IRAK1BP1: variants seen among roughly 807,000 people sequenced by gnomAD.
IRAK1BP1 encodes the protein interleukin-1 receptor-associated kinase 1-binding protein 1.
In IRAK1BP1, 24 loss-of-function variants were observed where a neutral mutation model predicts 28.0. The observed-to-expected ratio is 0.86, with a 90% CI of 0.62 to 1.20. IRAK1BP1 has a LOEUF of 1.20. IRAK1BP1 is among the 50% of genes most tolerant of loss of function. The pLI, the probability that IRAK1BP1 is intolerant of heterozygous loss-of-function variation, is 0.00. For synonymous variants in IRAK1BP1, 131 were observed against 116.3 expected (o/e 1.13, Z -0.81); for missense variants, 336 against 316.7 (o/e 1.06, Z -0.46).
chr6:78,941,098 A>C (rs747724327), intron 4 of IRAK1BP1: 4 of 1,613,764 alleles, frequency 2.5e-6, no homozygotes, highest in Non-Finnish European at 3.4e-6. Flanking sequence ...TTGAAGAAGG[A>C]AGTACTTCAT....
At chr6:78,884,025 G>T (rs1056045092) in intron 1 of IRAK1BP1, among the ~76,000 whole-genome samples, 2 of 152,120 alleles carry the variant, frequency 1.3e-5, no homozygotes, top group Non-Finnish European at 2.9e-5. Flanking sequence ...TACTGTTTAA[G>T]GGAGAACTAC....
chr6:78,886,075 A>G (rs1771424778), intron 2 of IRAK1BP1, among the ~76,000 whole-genome samples: 1 of 152,082 alleles, frequency 6.6e-6, no homozygotes. Context: ...AGTACGTGCC[A>G]CCTCCTTGTA....
intron 4 of IRAK1BP1, among the ~76,000 whole-genome samples, chr6:78,916,564 A>T (rs1287140382): frequency 6.6e-6 from 1 of 152,240 alleles, no homozygotes; most frequent in Non-Finnish European, 1.5e-5. Context: ...GAGCTACTCC[A>T]TGTAAAGAAT....
intron 2 of IRAK1BP1, among the ~76,000 whole-genome samples, chr6:78,894,789 C>T (rs1489491531): frequency 6.6e-6 from 1 of 152,026 alleles, no homozygotes; most frequent in Admixed American, 6.6e-5. Context: ...TGAACATTTG[C>T]CAAGGTAGAC....
chr6:78,966,229 G>A, the IRAK1BP1 span, among the ~76,000 whole-genome samples: 1 of 152,048 alleles, frequency 6.6e-6, no homozygotes, highest in Non-Finnish European at 1.5e-5. Flanking sequence ...AGAGAAAAAA[G>A]GAATTTAGTA....
chr6:78,906,878 C>G (rs947086235), downstream of IRAK1BP1, among the ~76,000 whole-genome samples: 1 of 152,018 alleles, frequency 6.6e-6, no homozygotes, highest in Non-Finnish European at 1.5e-5. Flanking sequence ...ATTTTCTGCC[C>G]TGAAATCCCA....
At chr6:78,940,674 TA>T in intron 4 of IRAK1BP1, 2 of 1,565,274 alleles carry the variant, frequency 1.3e-6, no homozygotes, top group Non-Finnish European at 1.7e-6. Context: ...GATTTTGAAG[TA>T]AAATATTTTG....
intron 2 of IRAK1BP1, among the ~76,000 whole-genome samples, chr6:78,891,277 T>C (rs750664620): frequency 2.6e-5 from 4 of 152,126 alleles, no homozygotes; most frequent in Non-Finnish European, 5.9e-5. Flanking sequence ...TAAACAATCA[T>C]AATAGTACAA....
At chr6:78,921,171 C>T (rs1772714025) in intron 4 of IRAK1BP1, among the ~76,000 whole-genome samples, 1 of 152,158 alleles carries the variant, frequency 6.6e-6, no homozygotes, top group African/African-American at 2.4e-5. Flanking sequence ...ATTCCCTTTC[C>T]TAGCCAAGGA....
At chr6:78,961,566 T>TC in the IRAK1BP1 span, 1 of 851,410 alleles carries the variant, frequency 1.2e-6, no homozygotes, top group South Asian at 1.6e-5. Context: ...CATTTTAACA[T>TC]AATCCCCATA....
downstream of IRAK1BP1, among the ~76,000 whole-genome samples, chr6:78,907,646 A>G (rs189821906): frequency 1.2e-3 from 188 of 152,310 alleles, no homozygotes; most frequent in African/African-American, 4.3e-3. Context: ...ACACACACAC[A>G]ATGAAAAATT....
intron 1 of IRAK1BP1, among the ~76,000 whole-genome samples, chr6:78,876,978 A>G (rs577697810): frequency 1.5e-4 from 23 of 152,334 alleles, no homozygotes; most frequent in East Asian, 5.8e-4. Context: ...TTTATTTAGC[A>G]TGATGCAACA....
the IRAK1BP1 span, among the ~76,000 whole-genome samples, chr6:78,968,086 G>A: frequency 2.6e-5 from 4 of 152,166 alleles, no homozygotes; most frequent in Non-Finnish European, 5.9e-5. Context: ...AGTGAGCCAA[G>A]ATCACGGCAC....
chr6:78,971,431 G>A, the IRAK1BP1 span, among the ~76,000 whole-genome samples: 5 of 152,178 alleles, frequency 3.3e-5, no homozygotes, highest in Non-Finnish European at 2.9e-5. Flanking sequence ...GTAGAAGAAC[G>A]TGTTTTAAAA....
chr6:78,873,821 T>G (rs1770886985), intron 1 of IRAK1BP1, among the ~76,000 whole-genome samples: 1 of 152,256 alleles, frequency 6.6e-6, no homozygotes, highest in Non-Finnish European at 1.5e-5. Context: ...ACCTTTGTAG[T>G]ATATTAGATA....
At chr6:78,935,498 T>C in intron 4 of IRAK1BP1, 2 of 978,740 alleles carry the variant, frequency 2.0e-6, no homozygotes, top group Non-Finnish European at 2.4e-6. Context: ...ATGCAAAGTG[T>C]TCCACTGAAA....
rs2127656601 is a variant in IRAK1BP1 at position 78,901,075 on chromosome 6, A to G, written c.*2741A>G. 6.6e-6 allele frequency: 1 copy of G among 151,988 alleles called. No homozygotes were observed. Among genetic ancestry groups the G allele is most frequent in the African/African-American group, 2.4e-5 (1 of 41,510 alleles). The allele number at this position is 151,988 out of a possible 1,614,324, so 9.4% of individuals were successfully genotyped here. A position where few individuals can be genotyped will look rare whatever the true frequency, so the allele number is the denominator to read the frequency against. On this transcript the variant is annotated 3_prime_UTR_variant, in exon 4 of 4. Coordinates refer to ENST00000369940, the MANE Select transcript of IRAK1BP1 (RefSeq NM_001010844.4). ...AAAAAATTGTTCGTTCTCAACAAAAATTTAATCACATGGGTAGTTTTTTTT... is the reference window on the plus strand; with the variant it reads ...AAAAAATTGTTCGTTCTCAACAAAAGTTTAATCACATGGGTAGTTTTTTTT...
the IRAK1BP1 span, chr6:78,955,305 A>G: frequency 1.3e-6 from 2 of 1,566,906 alleles, no homozygotes; most frequent in African/African-American, 1.4e-5. Flanking sequence ...AATTTACCAG[A>G]TTCATAAAAC....
chr6:78,898,147 A>G lies in IRAK1BP1; in HGVS notation c.596A>G (p.Lys199Arg), dbSNP rs774652132. The change falls in exon 4 of 4, where the codon AAA (lysine) becomes AGA (arginine). Residue 199 changes from lysine to arginine, a missense_variant. Lys to Arg is a conservative substitution (Grantham distance 26). Transcript: ENST00000369940. ...VCNLVGQTLGKPLLIKEEETK... is the reference protein window; with the variant it reads ...VCNLVGQTLGRPLLIKEEETK... ...AACCTTGTTGGCCAAACCTTAGGAAAACCTTTACTAATCAAAGAAGAAGAA... is the reference window on the plus strand; with the variant it reads ...AACCTTGTTGGCCAAACCTTAGGAAGACCTTTACTAATCAAAGAAGAAGAA... 3 of 1,613,916 alleles carry G rather than the reference A, an allele frequency of 1.9e-6. No homozygotes were observed. The South Asian group carries it at 3.3e-5, about 18-fold the overall frequency.
Sources: gnomAD v4.1 joint callset for allele counts (sites outside exome capture counted in the v4.1 genomes callset) on GRCh38, gnomAD v4.1.1 for gene constraint, MANE v1.5 for transcripts, NCBI Gene and HGNC (gene_info 2026-07-23, HGNC 2026-07-21) for gene names.